CNTN5: variants seen among roughly 807,000 people sequenced by gnomAD.
The protein encoded by CNTN5 is contactin 5, also known as contactin-5.
Under a neutral mutation model 129.1 loss-of-function variants are expected in CNTN5, and 77 were observed. The ratio of observed to expected loss-of-function variants is 0.60; its 90% CI spans 0.50 to 0.72. The LOEUF (loss-of-function observed/expected upper bound fraction) is 0.72, where lower values mean the gene tolerates loss of function less well. Among genes scored for constraint, CNTN5 ranks in the 30% least tolerant of loss-of-function variants. The pLI is 0.00. For synonymous variants in CNTN5, 509 were observed against 465.6 expected, an observed-to-expected ratio of 1.09 and a Z score of -1.20; for missense variants, 1,478 against 1,328.8, an observed-to-expected ratio of 1.11 and a Z score of -1.75.
At chr11:99,994,006 G>T (rs1939290259) in intron 8 of CNTN5, among the ~76,000 whole-genome samples, 1 of 152,022 alleles carries the variant, frequency 6.6e-6, no homozygotes, top group Non-Finnish European at 1.5e-5. Flanking sequence ...ATATAGTTCA[G>T]ATATTAGCAA....
chr11:99,241,280 G>T (rs1861537048), intron 1 of CNTN5, among the ~76,000 whole-genome samples: 1 of 145,844 alleles, frequency 6.9e-6, no homozygotes. Flanking sequence ...CAAATGACTT[G>T]GCATTTTCTA....
At chr11:99,873,535 A>G (rs774899401) in intron 6 of CNTN5, among the ~76,000 whole-genome samples, 2 of 152,122 alleles carry the variant, frequency 1.3e-5, no homozygotes, top group Non-Finnish European at 2.9e-5. Flanking sequence ...ACCAGTCAGA[A>G]TGGCTTTTAT....
chr11:100,191,095 G>GA (rs3031278), intron 13 of CNTN5, 31 bp from the exon 14 acceptor site: 362,433 of 1,464,154 alleles, frequency 0.25, 33,999 homozygotes, highest in Middle Eastern at 0.32. Context: ...CAGTAAAACA[G>GA]AAAAAAAAAC....
intron 16 of CNTN5, among the ~76,000 whole-genome samples, chr11:100,229,996 A>G (rs1037437132): frequency 1.3e-5 from 2 of 152,188 alleles, no homozygotes; most frequent in Non-Finnish European, 2.9e-5. Flanking sequence ...TAGTTATGAA[A>G]AACAAAGCTT....
intron 3 of CNTN5, among the ~76,000 whole-genome samples, chr11:99,645,453 TC>T (rs1290094692): frequency 6.6e-6 from 1 of 151,990 alleles, no homozygotes; most frequent in African/African-American, 2.4e-5. Flanking sequence ...CACACTGTCT[TC>T]CACAGTAGTT....
rs201697869 is a variant in CNTN5, at chr11:99,962,891, C to T, written c.877+5882C>T. Among the ~76,000 whole-genome samples, 64 of 150,682 alleles carry T rather than the reference C, an allele frequency of 4.2e-4. No homozygotes were observed. In the East Asian group the frequency reaches 0.012, roughly 28 times the overall value. ...GATATCTCATTGTGGTTTTGATTTG[C>T]ATTTCTCTGATGGCCAGTGATGATG... On this transcript the variant is annotated intron_variant, in intron 8 of 24. Coordinates refer to ENST00000524871, the MANE Select transcript of CNTN5 (RefSeq NM_014361.4).
intron 1 of CNTN5, among the ~76,000 whole-genome samples, chr11:99,206,863 C>T (rs1389974976): frequency 2.0e-5 from 3 of 151,888 alleles, no homozygotes; most frequent in African/African-American, 4.8e-5. Context: ...AGTTTACTTC[C>T]GTATGTGACA....
At chr11:99,698,577 T>C (rs973555211) in intron 3 of CNTN5, among the ~76,000 whole-genome samples, 6 of 151,562 alleles carry the variant, frequency 4.0e-5, no homozygotes, top group Non-Finnish European at 8.9e-5. Context: ...TCGCACATTA[T>C]ATGTTAACAC....
At chr11:99,204,708 G>A (rs987762030) in intron 1 of CNTN5, among the ~76,000 whole-genome samples, 1 of 152,118 alleles carries the variant, frequency 6.6e-6, no homozygotes, top group Non-Finnish European at 1.5e-5. Flanking sequence ...TGTTAAATGT[G>A]CTGCTCAATC....
Position 99,956,923 on chromosome 11 carries a change from T to A in CNTN5, c.791T>A (p.Val264Asp). ...LYISKVQTSD[V>D]GSYICLVKNT... ...ATTTCTAAAGTCCAAACATCAGATG[T>A]TGGCAGCTATATTTGTCTGGTGAAA... Residue 264 changes from valine to aspartate, a missense_variant, in exon 8 of 25, where the codon GTT (valine) becomes GAT (aspartate). Transcript: ENST00000524871. The A allele has an allele frequency of 1.2e-6, 2 of 1,613,962 alleles. No individual in the cohort carries two copies. Among genetic ancestry groups the A allele is most frequent in the Non-Finnish European group, 8.5e-7 (1 of 1,179,866 alleles).
chr11:99,066,889 A>G (rs1263859467), intron 1 of CNTN5, among the ~76,000 whole-genome samples: 3 of 152,122 alleles, frequency 2.0e-5, no homozygotes, highest in African/African-American at 7.2e-5. Context: ...ACTGCGATTC[A>G]AGGGCTTCTC....
intron 6 of CNTN5, among the ~76,000 whole-genome samples, chr11:99,859,594 C>G (rs754199621): frequency 6.6e-6 from 1 of 152,136 alleles, no homozygotes; most frequent in African/African-American, 2.4e-5. Context: ...CAGGTGAGAA[C>G]GTGTGGTATT....
At chr11:99,999,751 C>A (rs1246522547) in intron 8 of CNTN5, among the ~76,000 whole-genome samples, 1 of 151,962 alleles carries the variant, frequency 6.6e-6, no homozygotes, top group Non-Finnish European at 1.5e-5. Flanking sequence ...AGACTTGGAA[C>A]CAACCCAAAT....
intron 13 of CNTN5, among the ~76,000 whole-genome samples, chr11:100,190,247 T>A (rs1359157035): frequency 2.0e-5 from 3 of 152,132 alleles, no homozygotes; most frequent in Non-Finnish European, 2.9e-5. Context: ...CCAAAGCTAG[T>A]GGCATATTCA....
chr11:99,721,716 A>T (rs1943180145), intron 3 of CNTN5, among the ~76,000 whole-genome samples: 1 of 152,178 alleles, frequency 6.6e-6, no homozygotes, highest in East Asian at 1.9e-4. Flanking sequence ...ATGGGAGGAA[A>T]TATTTCTAAA....
chr11:99,569,375 G>T (rs557471178), intron 3 of CNTN5, among the ~76,000 whole-genome samples: 177 of 152,092 alleles, frequency 1.2e-3, no homozygotes, highest in African/African-American at 4.1e-3. Flanking sequence ...GGGCAGTGGC[G>T]CAATGTGGCC....
chr11:99,726,484 A>G (rs1428645663), intron 3 of CNTN5, among the ~76,000 whole-genome samples: 2 of 152,194 alleles, frequency 1.3e-5, no homozygotes, highest in Non-Finnish European at 2.9e-5. Context: ...GAAATAGAAC[A>G]ATTTGCTTGA....
intron 7 of CNTN5, among the ~76,000 whole-genome samples, chr11:99,936,648 A>G (rs1950321875): frequency 6.6e-6 from 1 of 152,168 alleles, no homozygotes; most frequent in Non-Finnish European, 1.5e-5. Context: ...AGAGAGGATC[A>G]GGGCATATGG....
chr11:100,164,041 A>AT (rs1435897425), intron 13 of CNTN5, among the ~76,000 whole-genome samples: 1 of 151,848 alleles, frequency 6.6e-6, no homozygotes, highest in African/African-American at 2.4e-5. Context: ...AGTTTGAAAG[A>AT]TTCTTTAAAA....
Sources: gnomAD v4.1 joint callset for allele counts (sites outside exome capture counted in the v4.1 genomes callset) on GRCh38, gnomAD v4.1.1 for gene constraint, MANE v1.5 for transcripts, NCBI Gene and HGNC (gene_info 2026-07-23, HGNC 2026-07-21) for gene names.